MAGI2: variants seen among roughly 807,000 people sequenced by gnomAD.
MAGI2 encodes membrane associated guanylate kinase, WW and PDZ domain containing 2, also known as membrane-associated guanylate kinase, WW and PDZ domain-containing protein 2.
Under a neutral mutation model 133.3 loss-of-function variants are expected in MAGI2, and 35 were observed. That is an observed-to-expected ratio of 0.26 (90% confidence interval 0.20 to 0.35). The LOEUF is 0.35. Among genes scored for constraint, MAGI2 ranks in the 10% least tolerant of loss-of-function variants. The pLI, the probability that MAGI2 is intolerant of heterozygous loss-of-function variation, is 1.00. For missense variants in MAGI2, 1,636 were observed against 1,863.4 expected, an observed-to-expected ratio of 0.88 and a Z score of 2.25; for synonymous variants, 729 against 710.6, an observed-to-expected ratio of 1.03 and a Z score of -0.41.
At chr7:79,016,901 C>G (rs2363929) in intron 1 of MAGI2, among the ~76,000 whole-genome samples, 172 of 152,342 alleles carry the variant, frequency 1.1e-3, no homozygotes, top group African/African-American at 3.9e-3. Flanking sequence ...ACAGGACACA[C>G]AGTCCCATGC....
chr7:78,387,842 C>T (rs1320143312), intron 6 of MAGI2, among the ~76,000 whole-genome samples: 1 of 152,088 alleles, frequency 6.6e-6, no homozygotes, highest in Non-Finnish European at 1.5e-5. Flanking sequence ...GGGAGGAGCG[C>T]TTAAGCCCAG....
At chr7:78,241,776 T>TA (rs940965383) in intron 10 of MAGI2, among the ~76,000 whole-genome samples, 38 of 151,182 alleles carry the variant, frequency 2.5e-4, no homozygotes, top group African/African-American at 9.2e-4. Flanking sequence ...CTACTACTAA[T>TA]AAAAAAAATT....
chr7:78,447,780 G>A (rs1201184611), intron 6 of MAGI2, among the ~76,000 whole-genome samples: 1 of 152,086 alleles, frequency 6.6e-6, no homozygotes, highest in Admixed American at 6.6e-5. Context: ...CCAACAGCCT[G>A]GGGAAATCCT....
At chr7:78,815,097 A>G (rs1789446808) in intron 2 of MAGI2, among the ~76,000 whole-genome samples, 1 of 152,200 alleles carries the variant, frequency 6.6e-6, no homozygotes, top group East Asian at 1.9e-4. Context: ...ATGATCAGAT[A>G]TTCAGTCTCC....
chr7:79,220,739 A>G (rs1320543682), intron 1 of MAGI2, among the ~76,000 whole-genome samples: 2 of 152,134 alleles, frequency 1.3e-5, no homozygotes, highest in Non-Finnish European at 2.9e-5. Flanking sequence ...AACATTATCA[A>G]GTTGAAACTT....
At chr7:78,180,529 T>C (rs139481632) in intron 13 of MAGI2, among the ~76,000 whole-genome samples, 374 of 152,312 alleles carry the variant, frequency 2.5e-3, no homozygotes, top group African/African-American at 8.5e-3. Context: ...AAAATCTAGA[T>C]TTTAGCAAGT....
intron 3 of MAGI2, among the ~76,000 whole-genome samples, chr7:78,592,526 ATAT>A (rs1804122355): frequency 6.6e-6 from 1 of 152,224 alleles, no homozygotes; most frequent in Non-Finnish European, 1.5e-5. Flanking sequence ...TTTATTGAAC[ATAT>A]TATATGATGG....
At chr7:78,335,711 G>C (rs1311897824) in intron 9 of MAGI2, among the ~76,000 whole-genome samples, 1 of 152,144 alleles carries the variant, frequency 6.6e-6, no homozygotes, top group African/African-American at 2.4e-5. Flanking sequence ...ATCCTCCATA[G>C]TACCTAACAT....
intron 2 of MAGI2, among the ~76,000 whole-genome samples, chr7:78,694,712 C>T (rs1185679098): frequency 6.6e-6 from 1 of 152,172 alleles, no homozygotes; most frequent in African/African-American, 2.4e-5. Flanking sequence ...TTGTCATTTA[C>T]TAACTGTGCA....
At chr7:78,522,220 C>T (rs1449966680) in intron 3 of MAGI2, among the ~76,000 whole-genome samples, 1 of 152,156 alleles carries the variant, frequency 6.6e-6, no homozygotes, top group Non-Finnish European at 1.5e-5. Flanking sequence ...CAGATTACCA[C>T]AGCTTTTTTT....
intron 2 of MAGI2, among the ~76,000 whole-genome samples, chr7:78,739,710 A>G (rs1229443693): frequency 3.3e-5 from 5 of 152,130 alleles, no homozygotes; most frequent in African/African-American, 4.8e-5. Context: ...CGTGAAAGCA[A>G]TTTCTTAGTT....
chr7:78,631,049 A>C (rs1370384415), intron 2 of MAGI2, among the ~76,000 whole-genome samples: 1 of 151,984 alleles, frequency 6.6e-6, no homozygotes, highest in Non-Finnish European at 1.5e-5. Flanking sequence ...CATCTGTTGG[A>C]AGCTTCCTGT....
intron 6 of MAGI2, among the ~76,000 whole-genome samples, chr7:78,415,461 T>C (rs899693272): frequency 4.6e-5 from 7 of 152,080 alleles, no homozygotes; most frequent in Admixed American, 2.6e-4. Context: ...TAAGAACAAT[T>C]CTGTCTATCT....
chr7:78,256,866 T>G (rs1793034883), intron 9 of MAGI2, among the ~76,000 whole-genome samples: 1 of 152,236 alleles, frequency 6.6e-6, no homozygotes, highest in Admixed American at 6.5e-5. Flanking sequence ...TAGAGGAATG[T>G]GTACCTTGAA....
intron 3 of MAGI2, among the ~76,000 whole-genome samples, chr7:78,609,803 G>C (rs1806244046): frequency 2.0e-5 from 3 of 152,140 alleles, no homozygotes; most frequent in Admixed American, 1.3e-4. Flanking sequence ...CCTTACCTCT[G>C]TTATGTAGTA....
At position 79,167,613 on chromosome 7, in the gene MAGI2, C is replaced by T. The variant is rs80230404; in HGVS notation, c.302-160407G>A. Among the ~76,000 whole-genome samples the T allele has an allele frequency of 8.5e-3, 1,294 of 152,158 alleles. 16 individuals are homozygous for T. Among genetic ancestry groups the T allele is most frequent in the African/African-American group, 0.03 (1,233 of 41,530 alleles). On this transcript the variant is annotated intron_variant, in intron 1 of 21. Coordinates refer to ENST00000354212, the MANE Select transcript of MAGI2 (RefSeq NM_012301.4). Reference sequence around the variant, plus strand: ...TGTTACGTGGTGAAATAAGTACCCTCACAAAGGAAACAACCTCCTCCTGCT... The same window carrying T: ...TGTTACGTGGTGAAATAAGTACCCTTACAAAGGAAACAACCTCCTCCTGCT...
chr7:78,355,537 T>C (rs1175803046), intron 7 of MAGI2, among the ~76,000 whole-genome samples: 1 of 152,228 alleles, frequency 6.6e-6, no homozygotes, highest in African/African-American at 2.4e-5. Context: ...TTTAATTCAC[T>C]TGCTCTTCCT....
chr7:78,411,472 T>C (rs1797867448), intron 6 of MAGI2, among the ~76,000 whole-genome samples: 1 of 152,052 alleles, frequency 6.6e-6, no homozygotes, highest in African/African-American at 2.4e-5. Context: ...GATACACATG[T>C]TATAGCTAAA....
At chr7:78,874,324 T>C (rs975682906) in intron 2 of MAGI2, among the ~76,000 whole-genome samples, 2 of 149,810 alleles carry the variant, frequency 1.3e-5, no homozygotes, top group African/African-American at 2.5e-5. Flanking sequence ...TAGACTAGTA[T>C]AGTCTAGAAA....
Sources: gnomAD v4.1 joint callset for allele counts (sites outside exome capture counted in the v4.1 genomes callset) on GRCh38, gnomAD v4.1.1 for gene constraint, MANE v1.5 for transcripts, NCBI Gene and HGNC (gene_info 2026-07-23, HGNC 2026-07-21) for gene names.